ZFAND3: variants seen among roughly 807,000 people sequenced by gnomAD.
ZFAND3 encodes zinc finger AN1-type containing 3, also known as AN1-type zinc finger protein 3.
ZFAND3 carries 10 observed loss-of-function variants against 29.6 expected under a neutral mutation model. That is an observed-to-expected ratio of 0.34 (90% CI 0.21 to 0.57). The LOEUF is 0.57. ZFAND3 is among the 20% of genes least tolerant of loss of function. ZFAND3 has a pLI of 0.86. For synonymous variants in ZFAND3, 128 were observed against 112.6 expected (o/e 1.14, Z -0.87); for missense variants, 230 against 304.5 (o/e 0.76, Z 1.82).
At chr6:38,062,158 A>G (rs761873452) in intron 3 of ZFAND3, among the ~76,000 whole-genome samples, 1 of 152,188 alleles carries the variant, frequency 6.6e-6, no homozygotes, top group Non-Finnish European at 1.5e-5. Flanking sequence ...AATATGCAGC[A>G]AGGGACCAGT....
chr6:38,036,236 A>G (rs1390552520), intron 2 of ZFAND3, among the ~76,000 whole-genome samples: 1 of 152,262 alleles, frequency 6.6e-6, no homozygotes, highest in Non-Finnish European at 1.5e-5. Flanking sequence ...ATGTGAACCC[A>G]GGGGTGACCC....
At chr6:37,856,647 G>T (rs1335031889) in intron 1 of ZFAND3, among the ~76,000 whole-genome samples, 2 of 151,962 alleles carry the variant, frequency 1.3e-5, no homozygotes, top group African/African-American at 4.8e-5. Context: ...ATTTGATTTT[G>T]TTCTCTTGAT....
In ZFAND3 at chr6:38,067,969, C is replaced by G. The variant is rs144665136; in HGVS notation, c.295+6194C>G. On this transcript the variant is annotated intron_variant, in intron 3 of 5. Coordinates refer to ENST00000287218, the MANE Select transcript of ZFAND3 (RefSeq NM_021943.3). Reference sequence around the variant, plus strand: ...GGGGTCATGGCTGGTCTGTCTCTTTCTAGGCAGGAGAGGAAGAGAACTGAT... The same window carrying G: ...GGGGTCATGGCTGGTCTGTCTCTTTGTAGGCAGGAGAGGAAGAGAACTGAT... Among the ~76,000 whole-genome samples the G allele has an allele frequency of 8.3e-4, 127 of 152,230 alleles. 2 individuals are homozygous for G. In the East Asian group the frequency reaches 0.021, roughly 26 times the overall value.
At chr6:37,936,987 A>G (rs1027631207) in intron 2 of ZFAND3, among the ~76,000 whole-genome samples, 8 of 151,946 alleles carry the variant, frequency 5.3e-5, no homozygotes, top group Non-Finnish European at 1.0e-4. Context: ...CCAGAAGAGG[A>G]TAACAAATTC....
rs70981523 is a variant in ZFAND3 at position 38,120,320 on chromosome 6, C to CTTTTTTTTTTTTTTTTTTTTTTTTTTT, written c.529+3585_529+3611dup. Among the ~76,000 whole-genome samples the CTTTTTTTTTTTTTTTTTTTTTTTTTTT allele has an allele frequency of 2.0e-4, 12 of 60,734 alleles. 2 individuals are homozygous for CTTTTTTTTTTTTTTTTTTTTTTTTTTT. The highest frequency in any genetic ancestry group is 3.4e-4 in the African/African-American group (6 of 17,786). 39.8% of individuals were successfully genotyped at this position (60,734 alleles called of 152,430 possible). A position where few individuals can be genotyped will look rare whatever the true frequency, so the allele number is the denominator to read the frequency against. On this transcript the variant is annotated intron_variant, in intron 5 of 5. Transcript: ENST00000287218. ...TGATTGATACACGTAGCTTGGCTTC[C>CTTTTTTTTTTTTTTTTTTTTTTTTTTT]TTTTTTTTTTTTTTTTTTTTTTTTT...
Position 37,872,146 on chromosome 6 carries a change from G to A in ZFAND3, c.71+52130G>A, listed in dbSNP as rs576023412. Reference sequence around the variant, plus strand: ...GGTTCTTCATCTCAGTAAGACAGTAGTTTCTATCTGGATTCTATTACCTAA... The same window carrying A: ...GGTTCTTCATCTCAGTAAGACAGTAATTTCTATCTGGATTCTATTACCTAA... On this transcript the variant is annotated intron_variant, in intron 1 of 5. Transcript: ENST00000287218. Among the ~76,000 whole-genome samples the A allele has an allele frequency of 1.3e-4, 20 of 152,288 alleles. 2 individuals are homozygous for A. In the South Asian group the frequency reaches 4.1e-3, roughly 32 times the overall value.
At chr6:37,836,185 GA>G (rs1020383825) in intron 1 of ZFAND3, among the ~76,000 whole-genome samples, 1 of 152,162 alleles carries the variant, frequency 6.6e-6, no homozygotes, top group African/African-American at 2.4e-5. Flanking sequence ...ATCACTTCGG[GA>G]GTCTTTTCTA....
intron 2 of ZFAND3, among the ~76,000 whole-genome samples, chr6:37,953,718 C>T (rs943966259): frequency 1.3e-5 from 2 of 152,010 alleles, no homozygotes; most frequent in African/African-American, 2.4e-5. Flanking sequence ...CCACAATGTC[C>T]TGGGATTACA....
At chr6:38,083,648 C>G (rs1339093500) in intron 4 of ZFAND3, among the ~76,000 whole-genome samples, 1 of 148,392 alleles carries the variant, frequency 6.7e-6, no homozygotes, top group Non-Finnish European at 1.5e-5. Context: ...GTTTTTCCTT[C>G]CAATCTTGGC....
At chr6:37,830,140 T>C (rs1035318168) in intron 1 of ZFAND3, among the ~76,000 whole-genome samples, 2 of 152,166 alleles carry the variant, frequency 1.3e-5, no homozygotes, top group Non-Finnish European at 2.9e-5. Context: ...AGTAGACTGT[T>C]GGTTTTGTGT....
chr6:38,023,738 A>G (rs1267384662), intron 2 of ZFAND3, among the ~76,000 whole-genome samples: 1 of 152,236 alleles, frequency 6.6e-6, no homozygotes, highest in African/African-American at 2.4e-5. Flanking sequence ...AGAAGAAGAA[A>G]TAGCTTTTAC....
intron 1 of ZFAND3, among the ~76,000 whole-genome samples, chr6:37,857,282 T>C (rs1213660379): frequency 6.6e-6 from 1 of 152,194 alleles, no homozygotes; most frequent in East Asian, 1.9e-4. Context: ...AATTGTTTAT[T>C]TGTTAAGAAT....
At chr6:37,862,934 C>A (rs1291163131) in intron 1 of ZFAND3, among the ~76,000 whole-genome samples, 2 of 151,402 alleles carry the variant, frequency 1.3e-5, no homozygotes, top group African/African-American at 4.9e-5. Context: ...TCAGATGAAG[C>A]CTTGTCTAAC....
intron 2 of ZFAND3, among the ~76,000 whole-genome samples, chr6:38,036,625 A>G (rs1332990268): frequency 1.3e-5 from 2 of 152,240 alleles, no homozygotes; most frequent in African/African-American, 2.4e-5. Context: ...TAAAAGAGGT[A>G]TGATTACAGA....
At chr6:38,023,112 C>G (rs1363216445) in intron 2 of ZFAND3, among the ~76,000 whole-genome samples, 1 of 152,138 alleles carries the variant, frequency 6.6e-6, no homozygotes, top group African/African-American at 2.4e-5. Context: ...TTGGTAATAC[C>G]TTTCAATACA....
intron 1 of ZFAND3, among the ~76,000 whole-genome samples, chr6:37,835,505 T>C (rs913073636): frequency 6.6e-6 from 1 of 151,618 alleles, no homozygotes; most frequent in Non-Finnish European, 1.5e-5. Context: ...GGATGAGTCC[T>C]TTTTTAGATA....
At chr6:37,925,389 C>G (rs1006291378) in intron 1 of ZFAND3, among the ~76,000 whole-genome samples, 3 of 152,106 alleles carry the variant, frequency 2.0e-5, no homozygotes, top group African/African-American at 7.2e-5. Flanking sequence ...ATCTGTAAGA[C>G]TACAGGAAGG....
intron 2 of ZFAND3, among the ~76,000 whole-genome samples, chr6:38,033,361 G>A (rs948947663): frequency 6.6e-6 from 1 of 152,020 alleles, no homozygotes; most frequent in South Asian, 2.1e-4. Context: ...GCCTTTCTCT[G>A]TGTAAATCAA....
intron 1 of ZFAND3, among the ~76,000 whole-genome samples, chr6:37,887,012 G>C (rs1467017537): frequency 1.3e-5 from 2 of 151,862 alleles, no homozygotes; most frequent in African/African-American, 2.4e-5. Context: ...CTCAAAAAAA[G>C]AACCAAAAAC....
Sources: gnomAD v4.1 joint callset for allele counts (sites outside exome capture counted in the v4.1 genomes callset) on GRCh38, gnomAD v4.1.1 for gene constraint, MANE v1.5 for transcripts, NCBI Gene and HGNC (gene_info 2026-07-23, HGNC 2026-07-21) for gene names.